ABCB1: variants seen among roughly 807,000 people sequenced by gnomAD.
The protein encoded by ABCB1 is ATP binding cassette subfamily B member 1, also known as ATP-dependent translocase ABCB1.
Under a neutral mutation model 142.0 loss-of-function variants are expected in ABCB1, and 69 were observed. That is an observed-to-expected ratio of 0.49 (90% confidence interval 0.40 to 0.59). The LOEUF (loss-of-function observed/expected upper bound fraction) is 0.59, where lower values mean the gene tolerates loss of function less well. Ranked by LOEUF, ABCB1 falls within the 20% of genes least tolerant of loss-of-function variation. ABCB1 has a pLI of 0.00. For synonymous variants in ABCB1, 532 were observed against 539.2 expected (o/e 0.99, Z 0.18); for missense variants, 1,326 against 1,554.7 (o/e 0.85, Z 2.47).
chr7:87,665,729 C>T (rs1825163417), intron 1 of ABCB1, among the ~76,000 whole-genome samples: 1 of 152,008 alleles, frequency 6.6e-6, no homozygotes, highest in African/African-American at 2.4e-5. Context: ...GTTTGTTGTT[C>T]TCATCCTTCT....
intron 1 of ABCB1, among the ~76,000 whole-genome samples, chr7:87,708,937 A>C (rs190358858): frequency 7.0e-4 from 106 of 152,280 alleles, no homozygotes; most frequent in Admixed American, 1.2e-3. Flanking sequence ...TTATTTTTTC[A>C]TAAACCTTCA....
chr7:87,555,893 A>G (rs1817286602), intron 8 of ABCB1, among the ~76,000 whole-genome samples: 1 of 152,332 alleles, frequency 6.6e-6, no homozygotes. Context: ...GCTTACCAAG[A>G]CTAACGTAGA....
intron 4 of ABCB1, among the ~76,000 whole-genome samples, chr7:87,578,027 T>C (rs1818345954): frequency 6.6e-6 from 1 of 152,238 alleles, no homozygotes; most frequent in Non-Finnish European, 1.5e-5. Flanking sequence ...TTCCAGTGTC[T>C]TCTTTTAGTA....
intron 17 of ABCB1, among the ~76,000 whole-genome samples, chr7:87,543,303 A>G (rs1816624152): frequency 6.6e-6 from 1 of 152,140 alleles, no homozygotes; most frequent in African/African-American, 2.4e-5. Flanking sequence ...AAATAATAAC[A>G]ATTCTTGAAT....
At chr7:87,663,252 C>T (rs1824892309) in intron 1 of ABCB1, among the ~76,000 whole-genome samples, 1 of 151,956 alleles carries the variant, frequency 6.6e-6, no homozygotes, top group South Asian at 2.1e-4. Context: ...GTCTGTTAAT[C>T]CCTCTTATTT....
Position 87,529,681 on chromosome 7 carries a change from C to T in ABCB1, c.2685+1613G>A, listed in dbSNP as rs1815945413. 2.0e-5 allele frequency among the ~76,000 whole-genome samples: 3 copies of T among 152,342 alleles called. No homozygotes were observed. In the South Asian group the frequency reaches 6.2e-4, roughly 32 times the overall value. On this transcript the variant is annotated intron_variant, in intron 21 of 27. Coordinates refer to ENST00000622132, the MANE Select transcript of ABCB1 (RefSeq NM_001348946.2). ...AGCAATCTAAGACTCCCTTCTGGGA[C>T]ATTTCAAATACCTCATTAAATAATG...
At chr7:87,593,161 T>A (rs78234380) in intron 3 of ABCB1, among the ~76,000 whole-genome samples, 9,450 of 152,180 alleles carry the variant, frequency 0.062, 384 homozygotes, top group African/African-American at 0.12. Context: ...TTCAGGGCTC[T>A]AGTGATCTGC....
intron 1 of ABCB1, among the ~76,000 whole-genome samples, chr7:87,638,474 A>G (rs1187022471): frequency 6.6e-6 from 1 of 151,944 alleles, no homozygotes; most frequent in Non-Finnish European, 1.5e-5. Context: ...GTGAACCGCA[A>G]ATTGTCTTTG....
intron 1 of ABCB1, among the ~76,000 whole-genome samples, chr7:87,701,184 T>A: frequency 6.6e-6 from 1 of 152,224 alleles, no homozygotes; most frequent in East Asian, 1.9e-4. Context: ...TAGATACTTT[T>A]TAATGTAATA....
chr7:87,712,839 A>G (rs940350677), intron 1 of ABCB1, among the ~76,000 whole-genome samples: 13 of 152,162 alleles, frequency 8.5e-5, no homozygotes, highest in Non-Finnish European at 1.6e-4. Context: ...ACATAGATAT[A>G]TGCACACATA....
intron 1 of ABCB1, among the ~76,000 whole-genome samples, chr7:87,640,324 A>G (rs1822300403): frequency 6.6e-6 from 1 of 151,610 alleles, no homozygotes; most frequent in African/African-American, 2.4e-5. Flanking sequence ...GTTTTGGAAA[A>G]ATTTTGGTTA....
chr7:87,652,152 G>T (rs1341768846), intron 1 of ABCB1, among the ~76,000 whole-genome samples: 1 of 152,050 alleles, frequency 6.6e-6, no homozygotes, highest in African/African-American at 2.4e-5. Flanking sequence ...ATATGGAATA[G>T]AATAGACTCT....
At chr7:87,699,057 A>T (rs1828769322) in intron 1 of ABCB1, among the ~76,000 whole-genome samples, 1 of 152,192 alleles carries the variant, frequency 6.6e-6, no homozygotes, top group African/African-American at 2.4e-5. Flanking sequence ...AGTATTTTTT[A>T]AAAGCAGTCA....
intron 1 of ABCB1, among the ~76,000 whole-genome samples, chr7:87,703,885 CTTTTTTTTTTTTTTTTTT>C: frequency 1.7e-5 from 1 of 60,282 alleles, no homozygotes; most frequent in Non-Finnish European, 3.2e-5. Context: ...TCAGTTTTTT[CTTTTTTTTTTTTTTTTTT>C]TTTTTTTTTG....
At position 87,547,210 on chromosome 7, in the gene ABCB1, A is replaced by G. The variant is rs557185662; in HGVS notation, c.1726-1186T>C. On this transcript the variant is annotated intron_variant, in intron 14 of 27. Transcript: ENST00000622132. Reference sequence around the variant, plus strand: ...TTTTCAGGATCCATAGGATAAGTAGAAGTGGAAAACTTCAAAAAGAAAAAA... The same window carrying G: ...TTTTCAGGATCCATAGGATAAGTAGGAGTGGAAAACTTCAAAAAGAAAAAA... Among the ~76,000 whole-genome samples the G allele has an allele frequency of 9.6e-4, 146 of 152,328 alleles. 1 individual carries two copies. Among genetic ancestry groups the G allele is most frequent in the Non-Finnish European group, 1.4e-3 (97 of 68,036 alleles).
intron 21 of ABCB1, among the ~76,000 whole-genome samples, chr7:87,524,071 T>G (rs1815666469): frequency 6.6e-6 from 1 of 152,144 alleles, no homozygotes; most frequent in African/African-American, 2.4e-5. Context: ...TCACTGAATC[T>G]TACATAAATT....
At chr7:87,687,886 ATGGATAATC>A (rs1300244400) in intron 1 of ABCB1, among the ~76,000 whole-genome samples, 1 of 152,210 alleles carries the variant, frequency 6.6e-6, no homozygotes, top group African/African-American at 2.4e-5. Context: ...GTTAGAAACA[ATGGATAATC>A]ATAAACCTGT....
intron 1 of ABCB1, among the ~76,000 whole-genome samples, chr7:87,701,805 C>G (rs566312019): frequency 1.3e-5 from 2 of 152,190 alleles, no homozygotes; most frequent in East Asian, 3.9e-4. Flanking sequence ...AAGCAGATAT[C>G]TAATTATCTT....
intron 3 of ABCB1, among the ~76,000 whole-genome samples, chr7:87,589,620 C>CA (rs1301842520): frequency 6.6e-6 from 1 of 151,846 alleles, no homozygotes; most frequent in African/African-American, 2.4e-5. Flanking sequence ...CCTCTCTCTA[C>CA]AAAAAAATTT....
Sources: allele counts gnomAD v4.1 joint callset (sites outside exome capture counted in the v4.1 genomes callset), GRCh38; gene constraint gnomAD v4.1.1; transcripts MANE v1.5; gene names NCBI Gene and HGNC (gene_info 2026-07-23, HGNC 2026-07-21).